The following NTRK3 variants were observed in gnomAD, a reference collection of about 807,000 sequenced individuals.
NTRK3 encodes neurotrophic receptor tyrosine kinase 3.
NTRK3 carries 24 observed loss-of-function variants against 91.7 expected under a neutral mutation model. That is an observed-to-expected ratio of 0.26 (90% CI 0.19 to 0.37). NTRK3 has a LOEUF of 0.37. Among genes scored for constraint, NTRK3 ranks in the 10% least tolerant of loss-of-function variants. NTRK3 has a pLI of 1.00. For synonymous variants in NTRK3, 483 were observed against 404.0 expected, an observed-to-expected ratio of 1.20 and a Z score of -2.34; for missense variants, 880 against 1,068.9, an observed-to-expected ratio of 0.82 and a Z score of 2.46.
At chr15:88,224,659 C>T (rs1235869665) in intron 3 of NTRK3, among the ~76,000 whole-genome samples, 1 of 152,188 alleles carries the variant, frequency 6.6e-6, no homozygotes, top group Non-Finnish European at 1.5e-5. Flanking sequence ...TTATTCTCAC[C>T]CATGCTGTTA....
At chr15:88,183,526 G>A (rs1156813485) in intron 4 of NTRK3, 37 bp from the exon 5 acceptor site, 1 of 1,587,998 alleles carries the variant, frequency 6.3e-7, no homozygotes, top group African/African-American at 1.3e-5. Flanking sequence ...CAGAGCTCAA[G>A]TGGCAGAGGG....
chr15:87,875,076 A>G (rs2064913517), exon 19 of NTRK3: 1 of 230,638 alleles, frequency 4.3e-6, no homozygotes, highest in Non-Finnish European at 8.6e-6. Context: ...CCACAAACAC[A>G]TAATTCAGTA....
At chr15:87,997,566 T>A (rs2075796163) in intron 14 of NTRK3, among the ~76,000 whole-genome samples, 1 of 152,188 alleles carries the variant, frequency 6.6e-6, no homozygotes, top group African/African-American at 2.4e-5. Context: ...GTAAATATTT[T>A]TTTTATATGA....
At chr15:87,940,868 C>G in intron 14 of NTRK3, 115 bp from the exon 15 acceptor site, 1 of 1,378,474 alleles carries the variant, frequency 7.3e-7, no homozygotes, top group Non-Finnish European at 1.0e-6. Context: ...CTACAGCAGG[C>G]AAAGGCAAAC....
intron 14 of NTRK3, among the ~76,000 whole-genome samples, chr15:88,016,702 C>T (rs1243365418): frequency 6.6e-6 from 1 of 152,064 alleles, no homozygotes; most frequent in Non-Finnish European, 1.5e-5. Flanking sequence ...GCTTTGCAGC[C>T]GGGAAGGATG....
At chr15:87,895,121 A>C (rs1210459922) in intron 17 of NTRK3, among the ~76,000 whole-genome samples, 1 of 152,218 alleles carries the variant, frequency 6.6e-6, no homozygotes, top group Non-Finnish European at 1.5e-5. Flanking sequence ...GCTAATAAAC[A>C]CACAGGGTTG....
At chr15:88,094,650 C>T (rs1248927305) in intron 13 of NTRK3, among the ~76,000 whole-genome samples, 3 of 152,044 alleles carry the variant, frequency 2.0e-5, no homozygotes, top group Non-Finnish European at 2.9e-5. Context: ...AGAATGTGAG[C>T]CTGGGCTTTC....
rs576319480 is a variant in NTRK3, at chr15:87,900,540, T to C, written c.2134-20112A>G. On this transcript the variant is annotated intron_variant, in intron 17 of 18. Coordinates refer to ENST00000394480, the Ensembl canonical transcript of NTRK3. ...TTCATACTTGGAATAATGACATAGT[T>C]GGACCAGAGTTTTGCTAAGATTCCT... Among the ~76,000 whole-genome samples the C allele has an allele frequency of 5.3e-5, 8 of 152,354 alleles. No individual in the cohort carries two copies. In the East Asian group the frequency reaches 1.2e-3, roughly 22 times the overall value.
At chr15:88,175,917 G>GGGT (rs2045948452) in intron 5 of NTRK3, among the ~76,000 whole-genome samples, 1 of 152,126 alleles carries the variant, frequency 6.6e-6, no homozygotes, top group African/African-American at 2.4e-5. Flanking sequence ...TTAGTGATGA[G>GGGT]GGTGGGTTAG....
intron 17 of NTRK3, among the ~76,000 whole-genome samples, chr15:87,903,471 C>T (rs573019453): frequency 6.6e-6 from 1 of 152,206 alleles, no homozygotes; most frequent in Non-Finnish European, 1.5e-5. Context: ...AGCCCCACTG[C>T]ATTCCAGGCC....
intron 3 of NTRK3, among the ~76,000 whole-genome samples, chr15:88,190,540 A>T (rs2047303366): frequency 6.6e-6 from 1 of 152,184 alleles, no homozygotes; most frequent in Admixed American, 6.5e-5. Context: ...TATCGCATCC[A>T]TTTTAACTAT....
intron 14 of NTRK3, among the ~76,000 whole-genome samples, chr15:87,945,874 C>A (rs1466079617): frequency 1.3e-5 from 2 of 151,072 alleles, no homozygotes; most frequent in East Asian, 3.9e-4. Context: ...CTAATTGAAT[C>A]CTATCCTCTC....
chr15:87,898,997 T>G (rs913266728), intron 17 of NTRK3, among the ~76,000 whole-genome samples: 1 of 152,164 alleles, frequency 6.6e-6, no homozygotes, highest in African/African-American at 2.4e-5. Context: ...CGAACAATAC[T>G]ACTAACACCA....
At chr15:88,223,723 C>T (rs2050435959) in intron 3 of NTRK3, among the ~76,000 whole-genome samples, 1 of 152,190 alleles carries the variant, frequency 6.6e-6, no homozygotes, top group African/African-American at 2.4e-5. Flanking sequence ...CCTTGGGCCA[C>T]AGGAGGATTC....
intron 14 of NTRK3, among the ~76,000 whole-genome samples, chr15:88,011,850 T>C (rs903025057): frequency 2.0e-5 from 3 of 152,204 alleles, no homozygotes; most frequent in Non-Finnish European, 4.4e-5. Flanking sequence ...TCTTCTGTAG[T>C]ATAACTAAGG....
At chr15:88,086,081 G>A (rs1255604952) in intron 13 of NTRK3, among the ~76,000 whole-genome samples, 2 of 152,226 alleles carry the variant, frequency 1.3e-5, no homozygotes, top group Non-Finnish European at 2.9e-5. Flanking sequence ...TCATAGGTAG[G>A]AGAGGTGTCC....
intron 13 of NTRK3, among the ~76,000 whole-genome samples, chr15:88,049,092 T>C (rs16941171): frequency 0.12 from 18,873 of 152,212 alleles, 1,428 homozygotes; most frequent in African/African-American, 0.22. Flanking sequence ...CTGTGCCTGA[T>C]AGAAGATGCA....
chr15:87,969,942 A>T (rs372220650), intron 14 of NTRK3, among the ~76,000 whole-genome samples: 1 of 152,122 alleles, frequency 6.6e-6, no homozygotes, highest in South Asian at 2.1e-4. Context: ...CATCTCTCTC[A>T]CTCAGTTTGC....
At chr15:88,174,272 T>C (rs2045792462) in intron 5 of NTRK3, among the ~76,000 whole-genome samples, 1 of 152,118 alleles carries the variant, frequency 6.6e-6, no homozygotes, top group South Asian at 2.1e-4. Context: ...ACAGACCAAA[T>C]GGGTTAAATA....
Sources: allele counts gnomAD v4.1 joint callset (sites outside exome capture counted in the v4.1 genomes callset), GRCh38; gene constraint gnomAD v4.1.1; transcripts MANE v1.5; gene names NCBI Gene and HGNC (gene_info 2026-07-23, HGNC 2026-07-21).